SPIRE1: variants seen among roughly 807,000 people sequenced by gnomAD.
SPIRE1 encodes protein spire homolog 1.
SPIRE1 carries 40 observed loss-of-function variants against 94.1 expected under a neutral mutation model. The ratio of observed to expected loss-of-function variants is 0.43; its 90% CI spans 0.33 to 0.55. The LOEUF is 0.55. SPIRE1 is among the 20% of genes least tolerant of loss of function. SPIRE1 has a pLI of 0.06. For synonymous variants in SPIRE1, 376 were observed against 371.7 expected, an observed-to-expected ratio of 1.01 and a Z score of -0.13; for missense variants, 838 against 975.2, an observed-to-expected ratio of 0.86 and a Z score of 1.87.
intron 2 of SPIRE1, among the ~76,000 whole-genome samples, chr18:12,633,214 A>G (rs1044287522): frequency 1.3e-5 from 2 of 152,212 alleles, no homozygotes; most frequent in Non-Finnish European, 1.5e-5. Context: ...GTTGAATAGT[A>G]TATCAAAAAT....
chr18:12,548,270 G>A (rs1486096784), intron 2 of SPIRE1, among the ~76,000 whole-genome samples: 1 of 151,970 alleles, frequency 6.6e-6, no homozygotes, highest in Middle Eastern at 3.2e-3. Context: ...TTTATAGCTG[G>A]TAATACCGCA....
At chr18:12,607,634 C>T (rs1009693429) in intron 2 of SPIRE1, among the ~76,000 whole-genome samples, 4 of 150,936 alleles carry the variant, frequency 2.7e-5, no homozygotes, top group Non-Finnish European at 5.9e-5. Context: ...CACACACACA[C>T]ACACACAGTC....
intron 2 of SPIRE1, among the ~76,000 whole-genome samples, chr18:12,555,819 G>C (rs2035487856): frequency 6.6e-6 from 1 of 152,090 alleles, no homozygotes; most frequent in Non-Finnish European, 1.5e-5. Context: ...GTCCTAGCTA[G>C]AGCAATCAGA....
chr18:12,613,552 C>T (rs545915528), intron 2 of SPIRE1, among the ~76,000 whole-genome samples: 5 of 152,098 alleles, frequency 3.3e-5, no homozygotes, highest in Non-Finnish European at 7.4e-5. Context: ...TAAAATACAC[C>T]CCAGATTTGA....
rs1380786153 is a variant in SPIRE1 at position 12,494,893 on chromosome 18, C to CA, written c.1059+1122dup. ...AACAAACCCATCTCTACTGAAAATA[C>CA]AAAAAAATTAGCCAGGCGTGGTGGC... On this transcript the variant is annotated intron_variant, in intron 7 of 16. Coordinates refer to ENST00000409402, the MANE Select transcript of SPIRE1 (RefSeq NM_001128626.2). Among the ~76,000 whole-genome samples the CA allele has an allele frequency of 1.3e-4, 12 of 90,268 alleles. No homozygotes were observed. The East Asian group carries it at 3.4e-3, about 26-fold the overall frequency. 59.2% of individuals were successfully genotyped at this position (90,268 alleles called of 152,430 possible). A position where few individuals can be genotyped will look rare whatever the true frequency, so the allele number is the denominator to read the frequency against.
chr18:12,648,088 T>C (rs1246046586), intron 1 of SPIRE1, among the ~76,000 whole-genome samples: 10 of 152,064 alleles, frequency 6.6e-5, no homozygotes, highest in East Asian at 1.9e-4. Context: ...AAACAAATGA[T>C]TGAATATATA....
chr18:12,608,670 G>A (rs1462008941), intron 2 of SPIRE1, among the ~76,000 whole-genome samples: 3 of 152,122 alleles, frequency 2.0e-5, no homozygotes, highest in African/African-American at 7.2e-5. Flanking sequence ...GAAAATACAG[G>A]TATTATCCTC....
intron 6 of SPIRE1, 105 bp from the exon 7 acceptor site, chr18:12,496,207 A>T (rs1263313362): frequency 5.5e-6 from 4 of 726,356 alleles, no homozygotes; most frequent in Non-Finnish European, 9.6e-6. Flanking sequence ...AGTGAAGTGT[A>T]ATTACCAAGG....
intron 2 of SPIRE1, among the ~76,000 whole-genome samples, chr18:12,593,904 C>T (rs185474081): frequency 1.9e-4 from 29 of 151,368 alleles, no homozygotes; most frequent in Non-Finnish European, 4.0e-4. Flanking sequence ...GTTGAGATTG[C>T]GCACCACTGC....
intron 1 of SPIRE1, among the ~76,000 whole-genome samples, chr18:12,648,371 C>T (rs2038282305): frequency 1.3e-5 from 2 of 152,236 alleles, no homozygotes; most frequent in South Asian, 4.2e-4. Context: ...ATGATGTGAT[C>T]AGGGGGAGCC....
chr18:12,469,810 G>C (rs779204621), intron 10 of SPIRE1, among the ~76,000 whole-genome samples: 9 of 148,350 alleles, frequency 6.1e-5, no homozygotes, highest in African/African-American at 2.2e-4. Context: ...AGATGCAACT[G>C]AGGCAAAAGT....
At chr18:12,453,675 C>T (rs1471422868) in intron 13 of SPIRE1, among the ~76,000 whole-genome samples, 1 of 152,136 alleles carries the variant, frequency 6.6e-6, no homozygotes, top group East Asian at 1.9e-4. Context: ...ACCTTGTGAT[C>T]CGCCTGCCTA....
At chr18:12,599,305 G>A (rs2036766473) in intron 2 of SPIRE1, among the ~76,000 whole-genome samples, 1 of 151,982 alleles carries the variant, frequency 6.6e-6, no homozygotes, top group African/African-American at 2.4e-5. Context: ...AGCCAGGCTG[G>A]AGTGCAGTGG....
chr18:12,569,150 C>T (rs2035891166), intron 2 of SPIRE1, among the ~76,000 whole-genome samples: 1 of 152,208 alleles, frequency 6.6e-6, no homozygotes, highest in Admixed American at 6.5e-5. Flanking sequence ...ACCATCCTGG[C>T]TAACACGGTG....
chr18:12,534,666 C>T (rs1173311943), intron 4 of SPIRE1, among the ~76,000 whole-genome samples: 3 of 152,168 alleles, frequency 2.0e-5, no homozygotes, highest in Admixed American at 6.5e-5. Context: ...TTGGACTGAG[C>T]TGTGCTGCTG....
At chr18:12,502,572 A>T (rs2143949624) in intron 6 of SPIRE1, among the ~76,000 whole-genome samples, 1 of 152,288 alleles carries the variant, frequency 6.6e-6, no homozygotes, top group South Asian at 2.1e-4. Flanking sequence ...TTCTGGAGAG[A>T]ACTCTTGCAA....
At chr18:12,587,404 C>T (rs887249461) in intron 2 of SPIRE1, among the ~76,000 whole-genome samples, 6 of 151,144 alleles carry the variant, frequency 4.0e-5, no homozygotes, top group East Asian at 4.1e-4. Context: ...CATATAATTT[C>T]GAGCTCTAAA....
intron 2 of SPIRE1, among the ~76,000 whole-genome samples, chr18:12,604,517 G>A (rs2036919136): frequency 6.6e-6 from 1 of 152,156 alleles, no homozygotes; most frequent in Non-Finnish European, 1.5e-5. Context: ...TCTATGATCT[G>A]CAAATAGAAA....
intron 1 of SPIRE1, among the ~76,000 whole-genome samples, chr18:12,644,690 A>G (rs538491669): frequency 6.6e-6 from 1 of 152,286 alleles, no homozygotes; most frequent in South Asian, 2.1e-4. Flanking sequence ...CCACATTTCA[A>G]ATTTTTTCAA....
Sources: gnomAD v4.1 joint callset for allele counts (sites outside exome capture counted in the v4.1 genomes callset) on GRCh38, gnomAD v4.1.1 for gene constraint, MANE v1.5 for transcripts, NCBI Gene and HGNC (gene_info 2026-07-23, HGNC 2026-07-21) for gene names.